The following CNTN3 variants were observed in gnomAD, a reference collection of about 807,000 sequenced individuals.
The protein encoded by CNTN3 is contactin 3, also known as contactin-3.
CNTN3 carries 60 observed loss-of-function variants against 119.1 expected under a neutral mutation model. The observed-to-expected ratio is 0.50, with a 90% CI of 0.41 to 0.62. CNTN3 has a LOEUF of 0.62. Ranked by LOEUF, CNTN3 falls within the 20% of genes least tolerant of loss-of-function variation. CNTN3 has a pLI of 0.00. For synonymous variants in CNTN3, 450 were observed against 438.7 expected (o/e 1.03, Z -0.32); for missense variants, 1,101 against 1,242.4 (o/e 0.89, Z 1.71).
chr3:74,483,332 G>T (rs979218692), intron 4 of CNTN3, among the ~76,000 whole-genome samples: 3 of 152,006 alleles, frequency 2.0e-5, no homozygotes, highest in Admixed American at 2.0e-4. Flanking sequence ...ATCCTCATAT[G>T]GTGCACCCCA....
At position 74,334,784 on chromosome 3, in the gene CNTN3, G is replaced by T. The variant is rs1380793686; in HGVS notation, c.1619C>A (p.Ala540Asp). The change falls in exon 13 of 23, where the codon GCC (alanine) becomes GAC (aspartate). Residue 540 changes from alanine to aspartate, a missense_variant. By Grantham distance (126) the Ala-to-Asp change is moderately radical. Transcript: ENST00000263665. ...DIIFTWYFNG[A>D]LADFKKDGSH... ...TCCATCTTTCTTAAAATCTGCAAGG[G>T]CCCCATTGAAATACCAGGTAAAGAT... The T allele has an allele frequency of 1.2e-6, 2 of 1,613,520 alleles. No individual in the cohort carries two copies. The highest frequency in any genetic ancestry group is 1.7e-6 in the Non-Finnish European group (2 of 1,179,666).
At chr3:74,304,373 T>C (rs1702518534) in intron 13 of CNTN3, among the ~76,000 whole-genome samples, 1 of 152,210 alleles carries the variant, frequency 6.6e-6, no homozygotes, top group African/African-American at 2.4e-5. Flanking sequence ...TGCTGACCTT[T>C]AGAAACTCTT....
chr3:74,444,073 A>C (rs1237476032), intron 4 of CNTN3, among the ~76,000 whole-genome samples: 1 of 152,044 alleles, frequency 6.6e-6, no homozygotes, highest in Non-Finnish European at 1.5e-5. Context: ...ATGCATCACT[A>C]TAATCTCCGC....
rs529435076 is a variant in CNTN3 at position 74,399,246 on chromosome 3, T to A, written c.454+25599A>T. The stretch of plus-strand genomic sequence containing the variant: ...TACAGATTATTTCATCACCCAGGTA[T>A]TAAGCCTAGTACCCATTAGTTATTT... On this transcript the variant is annotated intron_variant, in intron 5 of 22. Transcript: ENST00000263665. Among the ~76,000 whole-genome samples, 7 of 152,240 alleles carry A rather than the reference T, an allele frequency of 4.6e-5. No individual in the cohort carries two copies. The East Asian group carries it at 1.4e-3, about 29-fold the overall frequency.
chr3:74,566,984 A>G (rs1704234897), intron 1 of CNTN3, among the ~76,000 whole-genome samples: 1 of 152,112 alleles, frequency 6.6e-6, no homozygotes, highest in Non-Finnish European at 1.5e-5. Flanking sequence ...TTCAGGAGAT[A>G]TGGCCAGAGA....
chr3:74,374,298 TA>T (rs1296757183), intron 5 of CNTN3, among the ~76,000 whole-genome samples: 2 of 151,634 alleles, frequency 1.3e-5, no homozygotes, highest in East Asian at 1.9e-4. Context: ...TTTTTTTTAA[TA>T]AAAAAACTTC....
chr3:74,549,753 T>C (rs1044175362), intron 1 of CNTN3, among the ~76,000 whole-genome samples: 1 of 152,138 alleles, frequency 6.6e-6, no homozygotes, highest in Non-Finnish European at 1.5e-5. Flanking sequence ...ATTAAGGTGG[T>C]GTGCAAGTGA....
At chr3:74,598,955 T>C (rs1014925468) in intron 1 of CNTN3, among the ~76,000 whole-genome samples, 4 of 152,072 alleles carry the variant, frequency 2.6e-5, no homozygotes, top group African/African-American at 9.7e-5. Context: ...GATGTAGAGA[T>C]ATTTTTAAAA....
chr3:74,411,685 A>G (rs549335946), intron 5 of CNTN3, among the ~76,000 whole-genome samples: 27 of 152,332 alleles, frequency 1.8e-4, no homozygotes, highest in African/African-American at 6.0e-4. Context: ...ATATGCTGAC[A>G]GAAGTATAAA....
At chr3:74,412,512 T>C (rs1313592890) in intron 5 of CNTN3, among the ~76,000 whole-genome samples, 2 of 152,192 alleles carry the variant, frequency 1.3e-5, no homozygotes, top group African/African-American at 2.4e-5. Context: ...AGTGGATTTT[T>C]AAAGACTTTA....
intron 5 of CNTN3, among the ~76,000 whole-genome samples, chr3:74,409,523 T>A (rs1444840967): frequency 1.3e-5 from 2 of 152,174 alleles, no homozygotes; most frequent in Non-Finnish European, 2.9e-5. Flanking sequence ...GTTTTTTTTT[T>A]TTAACAGTAC....
At chr3:74,328,827 G>T (rs1421504775) in intron 13 of CNTN3, among the ~76,000 whole-genome samples, 1 of 152,102 alleles carries the variant, frequency 6.6e-6, no homozygotes, top group Admixed American at 6.5e-5. Flanking sequence ...TCAACGACGT[G>T]GGTTCAAGAT....
chr3:74,499,531 T>C (rs924158620), intron 3 of CNTN3, 128 bp downstream of exon 3: 8 of 774,308 alleles, frequency 1.0e-5, no homozygotes, highest in African/African-American at 5.3e-5. Context: ...GAATATATCA[T>C]ACAACTATAG....
At chr3:74,306,224 AAAAAAAG>A (rs1214484687) in intron 13 of CNTN3, among the ~76,000 whole-genome samples, 4 of 151,392 alleles carry the variant, frequency 2.6e-5, no homozygotes. Context: ...CAAAAAAAAA[AAAAAAAG>A]AAACTCGGTA....
chr3:74,309,206 G>A (rs924298225), intron 13 of CNTN3, among the ~76,000 whole-genome samples: 9 of 152,114 alleles, frequency 5.9e-5, no homozygotes, highest in Admixed American at 5.9e-4. Flanking sequence ...CTGGGTTCAT[G>A]TGATCCTTCC....
In CNTN3 at chr3:74,533,959, C is replaced by T. The variant is rs146726945; in HGVS notation, c.-80-12767G>A. Among the ~76,000 whole-genome samples, 3 of 152,116 alleles carry T rather than the reference C, an allele frequency of 2.0e-5. No homozygotes were observed. The East Asian group carries it at 5.9e-4, about 30-fold the overall frequency. On this transcript the variant is annotated intron_variant, in intron 1 of 22. Transcript: ENST00000263665. ...ACTCTGCCATACCACAGGACAGCCA[C>T]CCACTGCAAACAATTATCCAGCCCA...
chr3:74,282,647 T>C (rs930727850), intron 20 of CNTN3, among the ~76,000 whole-genome samples: 1 of 152,186 alleles, frequency 6.6e-6, no homozygotes, highest in African/African-American at 2.4e-5. Flanking sequence ...GGCAGACAAG[T>C]AATTCTCTTC....
chr3:74,473,805 T>C (rs924511284), intron 4 of CNTN3, among the ~76,000 whole-genome samples: 4 of 152,084 alleles, frequency 2.6e-5, no homozygotes, highest in African/African-American at 9.7e-5. Flanking sequence ...GGGGGAAGGG[T>C]CTGGGTGAAA....
At chr3:74,506,436 G>A (rs1395642777) in intron 2 of CNTN3, among the ~76,000 whole-genome samples, 1 of 152,042 alleles carries the variant, frequency 6.6e-6, no homozygotes, top group African/African-American at 2.4e-5. Context: ...TAATGTTTTT[G>A]GCAGAAAAAC....
Sources: gnomAD v4.1 joint callset for allele counts (sites outside exome capture counted in the v4.1 genomes callset) on GRCh38, gnomAD v4.1.1 for gene constraint, MANE v1.5 for transcripts, NCBI Gene and HGNC (gene_info 2026-07-23, HGNC 2026-07-21) for gene names.